Variants in CCDC178 observed in about 807,000 individuals in gnomAD.
CCDC178 encodes coiled-coil domain-containing protein 178.
CCDC178 carries 126 observed loss-of-function variants against 117.4 expected under a neutral mutation model. That is an observed-to-expected ratio of 1.07 (90% CI 0.93 to 1.24). The LOEUF is 1.24. CCDC178 is among the 50% of genes most tolerant of loss of function. CCDC178 has a pLI of 0.00. For missense variants in CCDC178, 1,030 were observed against 986.9 expected (o/e 1.04, Z -0.59); for synonymous variants, 283 against 313.4 (o/e 0.90, Z 1.02).
At chr18:33,037,439 T>A (rs2056465339) in intron 21 of CCDC178, among the ~76,000 whole-genome samples, 1 of 151,956 alleles carries the variant, frequency 6.6e-6, no homozygotes, top group Admixed American at 6.6e-5. Flanking sequence ...ATTGATAAGC[T>A]CTAACTAGCC....
At chr18:33,389,170 A>T (rs893771615) in intron 5 of CCDC178, among the ~76,000 whole-genome samples, 7 of 152,268 alleles carry the variant, frequency 4.6e-5, no homozygotes, top group Admixed American at 2.6e-4. Context: ...ATAATTATTT[A>T]AAAAATGAAA....
At position 33,346,344 on chromosome 18, in the gene CCDC178, T is replaced by A. The variant is rs774870707; in HGVS notation, c.525A>T (p.Lys175Asn). ...TLLSEAIRLI[K>N]SLETDRADAE... is the part of the protein sequence containing the mutation. The stretch of plus-strand genomic sequence containing the variant: ...CGTCTGCCCGGTCAGTTTCTAGACT[T>A]TTAATGAGACGAATGGCCTCTGAGA... Residue 175 changes from lysine (K) to asparagine (N), a missense_variant, in exon 9 of 23, where the codon AAA becomes AAT. Lys to Asn is a moderately conservative substitution (Grantham distance 94). Coordinates refer to ENST00000383096, the MANE Select transcript of CCDC178 (RefSeq NM_001105528.4). 9 of 1,613,844 alleles carry A rather than the reference T, an allele frequency of 5.6e-6. No homozygotes were observed. Among genetic ancestry groups the A allele is most frequent in the Non-Finnish European group, 7.6e-6 (9 of 1,179,802 alleles).
chr18:33,052,623 A>G (rs757481307), intron 21 of CCDC178, among the ~76,000 whole-genome samples: 13 of 152,158 alleles, frequency 8.5e-5, no homozygotes, highest in Non-Finnish European at 1.9e-4. Context: ...AGAAAAACAT[A>G]TATGTAGTGT....
intron 20 of CCDC178, among the ~76,000 whole-genome samples, chr18:33,188,082 C>A (rs1331546944): frequency 6.6e-6 from 1 of 151,966 alleles, no homozygotes; most frequent in African/African-American, 2.4e-5. Context: ...TATCTGAATG[C>A]AAAAGGGATA....
chr18:33,173,715 C>T (rs547473810), intron 20 of CCDC178, among the ~76,000 whole-genome samples: 1 of 152,310 alleles, frequency 6.6e-6, no homozygotes, highest in South Asian at 2.1e-4. Context: ...AAAGCTTCTG[C>T]CGTGACTGTC....
intron 20 of CCDC178, among the ~76,000 whole-genome samples, chr18:33,186,900 A>G (rs2058801140): frequency 6.6e-6 from 1 of 152,054 alleles, no homozygotes; most frequent in Non-Finnish European, 1.5e-5. Context: ...AGCAGTTGAA[A>G]GAGGTTGTGA....
chr18:33,153,155 T>A (rs271508), intron 20 of CCDC178, among the ~76,000 whole-genome samples: 14,926 of 146,118 alleles, frequency 0.1, 1,005 homozygotes, highest in African/African-American at 0.2. Flanking sequence ...TATATATATA[T>A]AACATATATT....
At chr18:33,083,466 C>G (rs1347888170) in intron 21 of CCDC178, among the ~76,000 whole-genome samples, 2 of 152,168 alleles carry the variant, frequency 1.3e-5, no homozygotes, top group Non-Finnish European at 2.9e-5. Context: ...GTGCTTCCTC[C>G]AAAAACTAGA....
intron 16 of CCDC178, among the ~76,000 whole-genome samples, chr18:33,225,380 G>A (rs759866443): frequency 3.7e-4 from 57 of 152,062 alleles, no homozygotes; most frequent in Admixed American, 1.1e-3. Context: ...GGCTGGTCTC[G>A]AACTCCTGAC....
chr18:33,103,690 A>T (rs920573604), intron 20 of CCDC178, among the ~76,000 whole-genome samples: 1 of 151,666 alleles, frequency 6.6e-6, no homozygotes, highest in East Asian at 1.9e-4. Context: ...ATCTTGCCCA[A>T]ATGTGTCTAC....
At chr18:33,269,304 G>C (rs1295841880) in intron 12 of CCDC178, among the ~76,000 whole-genome samples, 1 of 151,788 alleles carries the variant, frequency 6.6e-6, no homozygotes, top group Non-Finnish European at 1.5e-5. Context: ...AGGGAAAGCT[G>C]GTGGAATTAC....
intron 20 of CCDC178, among the ~76,000 whole-genome samples, chr18:33,177,958 G>A (rs1436310166): frequency 6.6e-6 from 1 of 151,956 alleles, no homozygotes; most frequent in East Asian, 1.9e-4. Flanking sequence ...CATGAAATAT[G>A]AGTGCTCCGC....
intron 20 of CCDC178, among the ~76,000 whole-genome samples, chr18:33,116,700 AG>A (rs2057861537): frequency 7.0e-6 from 1 of 143,378 alleles, no homozygotes; most frequent in Admixed American, 6.9e-5. Flanking sequence ...AAATGCACTC[AG>A]GTGGCCCACT....
intron 20 of CCDC178, among the ~76,000 whole-genome samples, chr18:33,149,987 A>C (rs1303333337): frequency 6.6e-6 from 1 of 152,202 alleles, no homozygotes; most frequent in Non-Finnish European, 1.5e-5. Flanking sequence ...CTGACTTCAA[A>C]TTATACTACA....
intron 12 of CCDC178, among the ~76,000 whole-genome samples, chr18:33,270,950 C>G (rs2059880846): frequency 6.6e-6 from 1 of 151,090 alleles, no homozygotes; most frequent in Non-Finnish European, 1.5e-5. Context: ...ATAATTTATA[C>G]AATAGCAAGA....
intron 12 of CCDC178, among the ~76,000 whole-genome samples, chr18:33,286,468 G>T (rs186014076): frequency 1.1e-4 from 17 of 152,184 alleles, no homozygotes; most frequent in Admixed American, 8.5e-4. Context: ...TAAATTGTTA[G>T]TATTAGAAAT....
At chr18:33,435,257 A>C (rs954114153) in intron 2 of CCDC178, among the ~76,000 whole-genome samples, 3 of 152,200 alleles carry the variant, frequency 2.0e-5, no homozygotes, top group Non-Finnish European at 4.4e-5. Context: ...CAATTTAAAA[A>C]TTAAAAATAC....
At chr18:33,230,439 GT>G (rs1242842975) in intron 15 of CCDC178, among the ~76,000 whole-genome samples, 1 of 152,070 alleles carries the variant, frequency 6.6e-6, no homozygotes, top group Non-Finnish European at 1.5e-5. Context: ...GCTCTTCACA[GT>G]AAGCTCCCTC....
chr18:33,075,539 C>T (rs1291972861), intron 21 of CCDC178, among the ~76,000 whole-genome samples: 1 of 151,930 alleles, frequency 6.6e-6, no homozygotes, highest in Non-Finnish European at 1.5e-5. Context: ...AATATATATA[C>T]CTACTATGTA....
Sources: allele counts gnomAD v4.1 joint callset (sites outside exome capture counted in the v4.1 genomes callset), GRCh38; gene constraint gnomAD v4.1.1; transcripts MANE v1.5; gene names NCBI Gene and HGNC (gene_info 2026-07-23, HGNC 2026-07-21).